Variants in THSD7B observed in about 807,000 individuals in gnomAD.
THSD7B encodes thrombospondin type 1 domain containing 7B.
THSD7B carries 138 observed loss-of-function variants against 213.6 expected under a neutral mutation model. The observed-to-expected ratio is 0.65, with a 90% CI of 0.56 to 0.74. The LOEUF (loss-of-function observed/expected upper bound fraction) is 0.74, where lower values mean the gene tolerates loss of function less well. THSD7B is among the 30% of genes least tolerant of loss of function. THSD7B has a pLI of 0.00. For synonymous variants in THSD7B, 742 were observed against 687.0 expected, an observed-to-expected ratio of 1.08 and a Z score of -1.25; for missense variants, 1,931 against 1,991.5, an observed-to-expected ratio of 0.97 and a Z score of 0.58.
intron 9 of THSD7B, among the ~76,000 whole-genome samples, chr2:137,235,930 C>T (rs2105059057): frequency 6.6e-6 from 1 of 152,234 alleles, no homozygotes; most frequent in East Asian, 1.9e-4. Context: ...TCCAAATAAT[C>T]CTGTTAAACA....
chr2:137,629,516 A>G (rs1237298791), intron 20 of THSD7B, among the ~76,000 whole-genome samples: 1 of 152,216 alleles, frequency 6.6e-6, no homozygotes, highest in Admixed American at 6.5e-5. Context: ...AAACAACAAA[A>G]ACCCATGCAA....
At chr2:137,011,185 T>C (rs969006336) in intron 2 of THSD7B, among the ~76,000 whole-genome samples, 2 of 152,180 alleles carry the variant, frequency 1.3e-5, no homozygotes, top group Admixed American at 6.6e-5. Context: ...ATTTTGACAA[T>C]GCAATGGATC....
In THSD7B at chr2:137,385,729, G is replaced by A. The variant is rs138787941; in HGVS notation, c.2501-19884G>A. ...TGGAACAGAATCAAGCTGGGAGTGA[G>A]AAGAGAAGGAGTAAGGCCAGAGACC... On this transcript the variant is annotated intron_variant, in intron 12 of 27. Coordinates refer to ENST00000409968, the MANE Select transcript of THSD7B (RefSeq NM_001316349.2). Among the ~76,000 whole-genome samples the A allele has an allele frequency of 3.1e-4, 47 of 152,274 alleles. No homozygotes were observed. In the East Asian group the frequency reaches 8.3e-3, roughly 27 times the overall value.
At chr2:137,048,846 A>G (rs1054867502) in intron 2 of THSD7B, among the ~76,000 whole-genome samples, 2 of 152,210 alleles carry the variant, frequency 1.3e-5, no homozygotes, top group African/African-American at 4.8e-5. Flanking sequence ...TCTGTGTAGT[A>G]TAAAGCGAAC....
intron 21 of THSD7B, among the ~76,000 whole-genome samples, chr2:137,652,363 C>T (rs1264956059): frequency 6.6e-6 from 1 of 152,076 alleles, no homozygotes; most frequent in African/African-American, 2.4e-5. Flanking sequence ...GATACAAATA[C>T]AGCTGCTCCT....
At chr2:137,567,482 G>T (rs1353611413) in intron 16 of THSD7B, among the ~76,000 whole-genome samples, 2 of 152,136 alleles carry the variant, frequency 1.3e-5, no homozygotes, top group African/African-American at 2.4e-5. Flanking sequence ...GGTATTTTCA[G>T]AGTGTAGTGT....
intron 4 of THSD7B, among the ~76,000 whole-genome samples, chr2:137,100,164 A>G (rs1453835519): frequency 6.6e-6 from 1 of 152,092 alleles, no homozygotes; most frequent in Non-Finnish European, 1.5e-5. Context: ...ATAAATATTG[A>G]AGCCAGGGAT....
At chr2:136,788,268 T>G (rs974535996) in intron 1 of THSD7B, among the ~76,000 whole-genome samples, 4 of 152,192 alleles carry the variant, frequency 2.6e-5, no homozygotes, top group Admixed American at 2.0e-4. Context: ...CACAATTGAT[T>G]GAAGGAATGA....
At chr2:137,085,342 A>G (rs554442578) in intron 3 of THSD7B, among the ~76,000 whole-genome samples, 3 of 152,196 alleles carry the variant, frequency 2.0e-5, no homozygotes, top group South Asian at 2.1e-4. Context: ...GCTAAGTCCA[A>G]TGTGAAACAG....
intron 5 of THSD7B, among the ~76,000 whole-genome samples, chr2:137,129,815 C>T (rs1006766108): frequency 2.6e-4 from 40 of 152,208 alleles, no homozygotes; most frequent in African/African-American, 9.4e-4. Context: ...TTGTTACCTA[C>T]ATTTTGACCA....
intron 12 of THSD7B, among the ~76,000 whole-genome samples, chr2:137,295,963 G>C (rs1310617487): frequency 6.6e-6 from 1 of 152,082 alleles, no homozygotes; most frequent in Non-Finnish European, 1.5e-5. Flanking sequence ...AGAGGATTGA[G>C]CTTGTTTGAA....
chr2:136,906,276 C>T (rs1476371145), intron 2 of THSD7B, among the ~76,000 whole-genome samples: 1 of 152,050 alleles, frequency 6.6e-6, no homozygotes, highest in Admixed American at 6.6e-5. Flanking sequence ...TTTAAATACC[C>T]AAAGCAAGTT....
chr2:137,319,563 G>T (rs1684217752), intron 12 of THSD7B, among the ~76,000 whole-genome samples: 1 of 152,062 alleles, frequency 6.6e-6, no homozygotes, highest in Non-Finnish European at 1.5e-5. Flanking sequence ...GTTCAATATT[G>T]TGTGGACTAC....
chr2:137,087,927 C>G (rs905040832), intron 3 of THSD7B, among the ~76,000 whole-genome samples: 1 of 152,014 alleles, frequency 6.6e-6, no homozygotes, highest in South Asian at 2.1e-4. Flanking sequence ...GTCACCAAAA[C>G]AGCATGGTAC....
At chr2:137,037,055 A>G (rs1686790454) in intron 2 of THSD7B, among the ~76,000 whole-genome samples, 2 of 152,150 alleles carry the variant, frequency 1.3e-5, no homozygotes, top group South Asian at 4.1e-4. Flanking sequence ...GCCTTTGTAC[A>G]TTGGTTAGCA....
intron 27 of THSD7B, among the ~76,000 whole-genome samples, chr2:137,672,786 A>AAAT (rs1683605597): frequency 6.6e-6 from 1 of 152,224 alleles, no homozygotes; most frequent in African/African-American, 2.4e-5. Context: ...AATGTCAAAA[A>AAAT]AATAGCCTTC....
rs532723130 is a variant in THSD7B at position 137,612,569 on chromosome 2, A to G, written c.3424-3606A>G. ...GATCCAGTCTTGTGCCAACAATGAAAAAAGAAAATAAATTTTAATAACAAA... is the reference window on the plus strand; with the variant it reads ...GATCCAGTCTTGTGCCAACAATGAAGAAAGAAAATAAATTTTAATAACAAA... On this transcript the variant is annotated intron_variant, in intron 17 of 27. Coordinates refer to ENST00000409968, the MANE Select transcript of THSD7B (RefSeq NM_001316349.2). Among the ~76,000 whole-genome samples, 7 of 152,316 alleles carry G rather than the reference A, an allele frequency of 4.6e-5. No individual in the cohort carries two copies. The South Asian group carries it at 1.4e-3, about 32-fold the overall frequency.
chr2:137,119,084 G>T (rs1476452353), intron 5 of THSD7B, among the ~76,000 whole-genome samples: 2 of 152,120 alleles, frequency 1.3e-5, no homozygotes, highest in African/African-American at 2.4e-5. Flanking sequence ...AGATTTGGGT[G>T]GGGACACAGC....
rs567361015 is a variant in THSD7B at position 137,328,206 on chromosome 2, C to A, written c.2500+52180C>A. On this transcript the variant is annotated intron_variant, in intron 12 of 27. Coordinates refer to ENST00000409968, the MANE Select transcript of THSD7B (RefSeq NM_001316349.2). The stretch of plus-strand genomic sequence containing the variant: ...TTTAAAAATGCAACTGAAAATATGG[C>A]TAATATTTTCATTAAATTTGCTTAA... Among the ~76,000 whole-genome samples the A allele has an allele frequency of 5.3e-5, 8 of 152,190 alleles. No individual in the cohort carries two copies. The East Asian group carries it at 1.2e-3, about 22-fold the overall frequency.
Sources: allele counts gnomAD v4.1 joint callset (sites outside exome capture counted in the v4.1 genomes callset), GRCh38; gene constraint gnomAD v4.1.1; transcripts MANE v1.5; gene names NCBI Gene and HGNC (gene_info 2026-07-23, HGNC 2026-07-21).